ROBO2: variants seen among roughly 807,000 people sequenced by gnomAD.
ROBO2 encodes roundabout guidance receptor 2, also known as roundabout homolog 2.
A neutral mutation model predicts 160.8 loss-of-function variants in ROBO2; 53 were observed. The observed-to-expected ratio is 0.33, with a 90% confidence interval of 0.26 to 0.41. The LOEUF is 0.41. Among genes scored for constraint, ROBO2 ranks in the 10% least tolerant of loss-of-function variants. The pLI is 1.00. For synonymous variants in ROBO2, 664 were observed against 611.7 expected, an observed-to-expected ratio of 1.09 and a Z score of -1.26; for missense variants, 1,577 against 1,722.4, an observed-to-expected ratio of 0.92 and a Z score of 1.49.
chr3:77,252,819 A>G (rs867186310), intron 2 of ROBO2, among the ~76,000 whole-genome samples: 19 of 38,538 alleles, frequency 4.9e-4, no homozygotes, highest in African/African-American at 6.8e-4. Context: ...AAAAAAAAAA[A>G]AAAAAAAAAA....
At position 77,163,438 on chromosome 3, in the gene ROBO2, A is replaced by C. The variant is rs192880504; in HGVS notation, c.388+65098A>C. 2.9e-4 allele frequency among the ~76,000 whole-genome samples: 44 copies of C among 152,326 alleles called. 1 individual carries two copies. Among genetic ancestry groups the C allele is most frequent in the Non-Finnish European group, 1.5e-5 (1 of 68,024 alleles). ...TAATCATTCAACTGCTAACTTACAG[A>C]GAGTCCAATAACCCAATGTCATATG... is the stretch of plus-strand genomic sequence containing the variant. On this transcript the variant is annotated intron_variant, in intron 2 of 25. Transcript: ENST00000461745.
At chr3:76,631,209 GA>G (rs1166535556) in intron 2 of ROBO2, among the ~76,000 whole-genome samples, 2 of 152,034 alleles carry the variant, frequency 1.3e-5, no homozygotes, top group East Asian at 3.9e-4. Context: ...TTATTCAGTG[GA>G]AAAATGCTAA....
chr3:76,990,096 CTTCTA>C (rs987136639), intron 2 of ROBO2, among the ~76,000 whole-genome samples: 1 of 151,958 alleles, frequency 6.6e-6, no homozygotes, highest in African/African-American at 2.4e-5. Flanking sequence ...TTTCTACTCT[CTTCTA>C]TTCTTTTAAA....
At chr3:77,019,646 C>A (rs944976328) in intron 2 of ROBO2, among the ~76,000 whole-genome samples, 13 of 152,108 alleles carry the variant, frequency 8.5e-5, no homozygotes, top group Admixed American at 1.3e-4. Context: ...ACTGGTGAAA[C>A]CAGTGTCAGG....
chr3:76,361,988 TA>T (rs2075550015), intron 2 of ROBO2, among the ~76,000 whole-genome samples: 1 of 152,136 alleles, frequency 6.6e-6, no homozygotes, highest in Non-Finnish European at 1.5e-5. Context: ...CATTATCTTT[TA>T]AAGTCTTGGA....
At chr3:77,289,897 T>C (rs1313506346) in intron 2 of ROBO2, among the ~76,000 whole-genome samples, 4 of 151,258 alleles carry the variant, frequency 2.6e-5, no homozygotes, top group African/African-American at 9.7e-5. Context: ...AAGTTGAGCC[T>C]AGATCCCTAA....
intron 2 of ROBO2, among the ~76,000 whole-genome samples, chr3:77,209,209 T>G (rs2083798609): frequency 6.6e-6 from 1 of 152,190 alleles, no homozygotes; most frequent in South Asian, 2.1e-4. Flanking sequence ...AACTCAGTTA[T>G]TTTTGTTTCA....
chr3:77,604,113 T>C (rs1028276525), intron 20 of ROBO2: 1 of 152,144 alleles, frequency 6.6e-6, no homozygotes, highest in African/African-American at 2.4e-5. Flanking sequence ...TGCTCCCTCT[T>C]CCCTTCAAAA....
chr3:76,804,086 G>T (rs1353455152), intron 2 of ROBO2, among the ~76,000 whole-genome samples: 2 of 152,172 alleles, frequency 1.3e-5, no homozygotes, highest in Non-Finnish European at 1.5e-5. Flanking sequence ...TTCCTATCTT[G>T]TGTGGGTGTA....
chr3:76,692,684 G>A (rs1422657952), intron 2 of ROBO2, among the ~76,000 whole-genome samples: 2 of 152,088 alleles, frequency 1.3e-5, no homozygotes, highest in East Asian at 1.9e-4. Flanking sequence ...GGGAAGCCAC[G>A]TTTTCCAAGG....
chr3:77,102,188 G>A (rs1009417719), intron 2 of ROBO2, among the ~76,000 whole-genome samples: 2 of 152,192 alleles, frequency 1.3e-5, no homozygotes, highest in Non-Finnish European at 2.9e-5. Flanking sequence ...AAATGCTGCC[G>A]GGTCTTTCCT....
At chr3:76,973,095 G>T (rs2059649073) in intron 2 of ROBO2, among the ~76,000 whole-genome samples, 2 of 152,148 alleles carry the variant, frequency 1.3e-5, no homozygotes, top group Non-Finnish European at 2.9e-5. Context: ...GACCCAAGGG[G>T]CCTACGTAAA....
Position 77,293,834 on chromosome 3 carries a change from G to A in ROBO2, c.389-183580G>A, listed in dbSNP as rs1340114082. Among the ~76,000 whole-genome samples, 10 of 141,156 alleles carry A rather than the reference G, an allele frequency of 7.1e-5. 1 individual carries two copies. Among genetic ancestry groups the A allele is most frequent in the African/African-American group, 2.6e-4 (9 of 34,960 alleles). The allele number at this position is 141,156 out of a possible 152,430, so 92.6% of individuals were successfully genotyped here. ...GTAAAGACATAAAGTAGAATTGATG[G>A]TTAAACGGGTAGGCTGAGGCTAGAT... is the stretch of plus-strand genomic sequence containing the variant. On this transcript the variant is annotated intron_variant, in intron 2 of 25. Coordinates refer to ENST00000461745, the Ensembl canonical transcript of ROBO2.
At chr3:76,870,587 G>A (rs1014275669) in intron 2 of ROBO2, among the ~76,000 whole-genome samples, 3 of 152,150 alleles carry the variant, frequency 2.0e-5, no homozygotes, top group Non-Finnish European at 4.4e-5. Flanking sequence ...TGAACACCTA[G>A]AGATTATGTT....
At chr3:76,882,952 G>T (rs772029255) in intron 2 of ROBO2, among the ~76,000 whole-genome samples, 9 of 152,066 alleles carry the variant, frequency 5.9e-5, no homozygotes, top group Non-Finnish European at 1.2e-4. Flanking sequence ...TTATCAGTTT[G>T]TTTTGTGTAT....
chr3:76,161,433 T>C (rs1241593325), intron 2 of ROBO2, among the ~76,000 whole-genome samples: 1 of 152,088 alleles, frequency 6.6e-6, no homozygotes, highest in Non-Finnish European at 1.5e-5. Context: ...TTGGTAAAAA[T>C]AAAGTAAGCT....
intron 2 of ROBO2, among the ~76,000 whole-genome samples, chr3:76,539,925 A>G (rs1054778626): frequency 6.6e-6 from 1 of 152,190 alleles, no homozygotes; most frequent in African/African-American, 2.4e-5. Flanking sequence ...GAAAAATTAA[A>G]TATACCTGAG....
chr3:76,046,404 C>T (rs776278716), intron 2 of ROBO2, among the ~76,000 whole-genome samples: 3 of 152,014 alleles, frequency 2.0e-5, no homozygotes, highest in Non-Finnish European at 4.4e-5. Context: ...AATCCCAACA[C>T]TTTGGGAGGC....
chr3:76,531,698 G>A (rs1330643898), intron 2 of ROBO2, among the ~76,000 whole-genome samples: 1 of 140,214 alleles, frequency 7.1e-6, no homozygotes, highest in African/African-American at 2.6e-5. Flanking sequence ...CAATGAAGTT[G>A]TTGTATAGTA....
Sources: allele counts gnomAD v4.1 joint callset (sites outside exome capture counted in the v4.1 genomes callset), GRCh38; gene constraint gnomAD v4.1.1; transcripts MANE v1.5; gene names NCBI Gene and HGNC (gene_info 2026-07-23, HGNC 2026-07-21).